ARID4A: variants seen among roughly 807,000 people sequenced by gnomAD.
ARID4A encodes AT-rich interactive domain-containing protein 4A.
Under a neutral mutation model 148.6 loss-of-function variants are expected in ARID4A, and 39 were observed. The ratio of observed to expected loss-of-function variants is 0.26; its 90% confidence interval spans 0.20 to 0.34. ARID4A has a LOEUF of 0.34. Among genes scored for constraint, ARID4A ranks in the 10% least tolerant of loss-of-function variants. The probability of loss-of-function intolerance (pLI) is 1.00; values close to 1 mark genes in which losing one functional copy is unlikely to be tolerated. For synonymous variants in ARID4A, 475 were observed against 481.2 expected (o/e 0.99, Z 0.17); for missense variants, 1,265 against 1,449.1 (o/e 0.87, Z 2.06).
At chr14:58,366,817 G>C in intron 22 of ARID4A, 66 bp from the exon 23 acceptor site, 1 of 1,258,360 alleles carries the variant, frequency 7.9e-7, no homozygotes, top group Non-Finnish European at 1.1e-6. Flanking sequence ...ACGTTTGATA[G>C]AATTGTCATC....
chr14:58,346,906 C>A (rs566675157), intron 13 of ARID4A, 114 bp from the exon 14 acceptor site: 344 of 419,062 alleles, frequency 8.2e-4, no homozygotes, highest in Non-Finnish European at 1.2e-3. Context: ...CCAGCCTGGG[C>A]GACAGAGTGA....
At chr14:58,346,294 TTAAA>T (rs1317494071) in intron 12 of ARID4A, 113 bp from the exon 13 acceptor site, 20 of 606,672 alleles carry the variant, frequency 3.3e-5, no homozygotes, top group South Asian at 3.2e-4. Flanking sequence ...TTAAGGCTCT[TTAAA>T]TATGTGCCTC....
intron 8 of ARID4A, among the ~76,000 whole-genome samples, chr14:58,327,643 A>G (rs1201368284): frequency 6.6e-6 from 1 of 152,070 alleles, no homozygotes; most frequent in Non-Finnish European, 1.5e-5. Flanking sequence ...AAATCCTCAT[A>G]TTTTTAAAGT....
chr14:58,343,830 C>CA (rs879571657), intron 11 of ARID4A, among the ~76,000 whole-genome samples: 1,894 of 131,410 alleles, frequency 0.014, 18 homozygotes, highest in African/African-American at 0.033. Flanking sequence ...AACTCCATCT[C>CA]AAAAAAAAAA....
chr14:58,351,091 C>G lies in ARID4A; in HGVS notation c.1423C>G (p.Arg475Gly), dbSNP rs758406593. 5.0e-6 allele frequency: 8 copies of G among 1,595,530 alleles called. No individual in the cohort carries two copies. The African/African-American group carries it at 1.1e-4, about 22-fold the overall frequency. ...CTACTAGGGACGAAGGAGAATTGCT[C>G]GAGATGTAAATTCTATTAAAAAGGA... is the stretch of plus-strand genomic sequence containing the variant. ...KSPRGRRRIARDVNSIKKEIE... is the reference protein window; with the variant it reads ...KSPRGRRRIAGDVNSIKKEIE... The change falls in exon 16 of 24, where the codon CGA becomes GGA. Residue 475 changes from arginine (R) to glycine (G), a missense_variant. By Grantham distance (125) the Arg-to-Gly change is moderately radical (BLOSUM62 -2). Around this residue, in one of 9 missense-constraint regions of ARID4A, gnomAD observed 205 missense variants for 196.9 expected, o/e 1.04. Transcript: ENST00000355431.
At chr14:58,318,003 C>G (rs1432619530) in intron 5 of ARID4A, among the ~76,000 whole-genome samples, 1 of 151,724 alleles carries the variant, frequency 6.6e-6, no homozygotes, top group Non-Finnish European at 1.5e-5. Flanking sequence ...AAACAGACTA[C>G]TTACATCCTT....
Position 58,365,049 on chromosome 14 carries a change from C to G in ARID4A, c.2960C>G (p.Ser987Cys). The change falls in exon 20 of 24, where the codon TCT (serine) becomes TGT (cysteine). Residue 987 changes from serine to cysteine, a missense_variant. Coordinates refer to ENST00000355431, the MANE Select transcript of ARID4A (RefSeq NM_002892.4). ...GCAGTTGAAAGCTCTGAGTCTAACTCTCTTGTTTCTATTCCACCTGCCCTA... is the reference window on the plus strand; with the variant it reads ...GCAGTTGAAAGCTCTGAGTCTAACTGTCTTGTTTCTATTCCACCTGCCCTA... ...DVAVESSESN[S>C]LVSIPPALPP... 1 of 1,614,146 alleles carries G rather than the reference C, an allele frequency of 6.2e-7. No homozygotes were observed. The highest frequency in any genetic ancestry group is 1.1e-5 in the South Asian group (1 of 91,082).
chr14:58,346,083 AGT>A (rs2034351410), intron 12 of ARID4A, among the ~76,000 whole-genome samples: 1 of 151,722 alleles, frequency 6.6e-6, no homozygotes, highest in Admixed American at 6.6e-5. Context: ...CACACCATGC[AGT>A]GTTTACTTTA....
chr14:58,335,617 A>T (rs1405704879), intron 11 of ARID4A, among the ~76,000 whole-genome samples: 1 of 151,986 alleles, frequency 6.6e-6, no homozygotes, highest in Non-Finnish European at 1.5e-5. Context: ...CCGGCCAAGG[A>T]TTTCATCTTA....
chr14:58,347,690 C>G lies in ARID4A; in HGVS notation c.1216C>G (p.Gln406Glu). Reference protein sequence around the residue: ...FEEYCRSANIQFRTVHHHEPK... With the variant: ...FEEYCRSANIEFRTVHHHEPK... Reference sequence around the variant, plus strand: ...GGAGTACTGCCGTTCGGCAAATATTCAGTTCAGAACTGTTCATCACCATGA... The same window carrying G: ...GGAGTACTGCCGTTCGGCAAATATTGAGTTCAGAACTGTTCATCACCATGA... The change falls in exon 15 of 24, where the codon CAG becomes GAG. Residue 406 changes from glutamine (Q) to glutamate (E), a missense_variant. Transcript: ENST00000355431. 1.2e-6 allele frequency: 2 copies of G among 1,609,088 alleles called. No individual in the cohort carries two copies. Among genetic ancestry groups the G allele is most frequent in the Non-Finnish European group, 1.7e-6 (2 of 1,177,684 alleles).
At chr14:58,365,391 T>C (rs1345071788) in intron 20 of ARID4A, 91 bp downstream of exon 20, 1 of 1,452,706 alleles carries the variant, frequency 6.9e-7, no homozygotes, top group Admixed American at 2.4e-5. Flanking sequence ...TAAAGTACTT[T>C]CTTTTTCTTT....
chr14:58,325,732 A>G (rs527322414), intron 8 of ARID4A, among the ~76,000 whole-genome samples: 7 of 152,262 alleles, frequency 4.6e-5, no homozygotes, highest in Admixed American at 3.9e-4. Context: ...TAAATATATT[A>G]CTCAGTTCCT....
At chr14:58,356,782 A>G (rs1180561929) in intron 17 of ARID4A, among the ~76,000 whole-genome samples, 1 of 150,510 alleles carries the variant, frequency 6.6e-6, no homozygotes, top group African/African-American at 2.5e-5. Flanking sequence ...GCTCACTGCA[A>G]CCTCCGCCTC....
chr14:58,348,147 A>G (rs2034463051), intron 15 of ARID4A, among the ~76,000 whole-genome samples: 1 of 152,124 alleles, frequency 6.6e-6, no homozygotes, highest in African/African-American at 2.4e-5. Flanking sequence ...CTGCTAAAGT[A>G]TCACCTCATT....
intron 11 of ARID4A, among the ~76,000 whole-genome samples, chr14:58,338,108 A>G (rs1166913155): frequency 6.6e-6 from 1 of 152,192 alleles, no homozygotes; most frequent in Admixed American, 6.5e-5. Context: ...AGTATTAAAT[A>G]TAATAGGAAA....
intron 5 of ARID4A, 24 bp downstream of exon 5, chr14:58,306,136 CAG>C: frequency 1.3e-6 from 2 of 1,543,666 alleles, no homozygotes; most frequent in Non-Finnish European, 1.8e-6. Context: ...TAATTTAACA[CAG>C]ATTTGATTTG....
intron 18 of ARID4A, 95 bp downstream of exon 18, chr14:58,359,311 A>T: frequency 8.1e-7 from 1 of 1,240,130 alleles, no homozygotes. Flanking sequence ...TTTTAGGTTT[A>T]TACCAAGATT....
At chr14:58,310,832 A>G (rs898808020) in intron 5 of ARID4A, among the ~76,000 whole-genome samples, 3 of 152,162 alleles carry the variant, frequency 2.0e-5, no homozygotes, top group Non-Finnish European at 4.4e-5. Context: ...CCAGAGAGTG[A>G]AAAGACAACC....
In ARID4A at chr14:58,373,634, T is replaced by C; in HGVS notation, c.*1645T>C. 5.7e-6 allele frequency: 1 copy of C among 176,154 alleles called. No homozygotes were observed. The allele number at this position is 176,154 out of a possible 1,614,324, so 10.9% of individuals were successfully genotyped here. A position where few individuals can be genotyped will look rare whatever the true frequency, so the allele number is the denominator to read the frequency against. ...AAACAAAAAAAGTACTCTTGTAAAA[T>C]GCACTTTTCTGTCTTTTCTTTGCAA... On this transcript the variant is annotated 3_prime_UTR_variant, in exon 24 of 24. Coordinates refer to ENST00000355431, the MANE Select transcript of ARID4A (RefSeq NM_002892.4).
Sources: allele counts gnomAD v4.1 joint callset (sites outside exome capture counted in the v4.1 genomes callset), GRCh38; gene constraint gnomAD v4.1.1; regional missense constraint gnomAD v4.1.1; transcripts MANE v1.5; gene names NCBI Gene and HGNC (gene_info 2026-07-23, HGNC 2026-07-21).